Variants in EPHA6 observed in about 807,000 individuals in gnomAD.
EPHA6 encodes the protein EPH receptor A6.
EPHA6 carries 50 observed loss-of-function variants against 112.0 expected under a neutral mutation model. The ratio of observed to expected loss-of-function variants is 0.45; its 90% CI spans 0.36 to 0.56. The LOEUF (loss-of-function observed/expected upper bound fraction) is 0.56. Ranked by LOEUF, EPHA6 falls within the 20% of genes least tolerant of loss-of-function variation. EPHA6 has a pLI of 0.00. For missense variants in EPHA6, 1,280 were observed against 1,417.4 expected (o/e 0.90, Z 1.56); for synonymous variants, 529 against 490.7 (o/e 1.08, Z -1.03).
intron 3 of EPHA6, among the ~76,000 whole-genome samples, chr3:96,996,078 T>A (rs1304049227): frequency 1.3e-5 from 2 of 152,158 alleles, no homozygotes; most frequent in Non-Finnish European, 2.9e-5. Flanking sequence ...TGTAAACATT[T>A]TGCTGTCATT....
chr3:97,121,593 C>T (rs1360569791), intron 3 of EPHA6, among the ~76,000 whole-genome samples: 1 of 151,980 alleles, frequency 6.6e-6, no homozygotes, highest in Admixed American at 6.6e-5. Flanking sequence ...TGGCTGGGTG[C>T]CATTGTTACC....
At chr3:97,536,263 C>T (rs2092762742) in intron 11 of EPHA6, among the ~76,000 whole-genome samples, 1 of 152,040 alleles carries the variant, frequency 6.6e-6, no homozygotes, top group African/African-American at 2.4e-5. Context: ...AAAGCAAGAA[C>T]TATGGTTTAA....
intron 5 of EPHA6, among the ~76,000 whole-genome samples, chr3:97,278,609 C>A (rs1456731318): frequency 6.6e-6 from 1 of 152,262 alleles, no homozygotes; most frequent in African/African-American, 2.4e-5. Context: ...ACTATTTCAA[C>A]CACTCAGTAT....
intron 3 of EPHA6, among the ~76,000 whole-genome samples, chr3:97,129,538 A>T (rs2048281456): frequency 6.6e-6 from 1 of 152,036 alleles, no homozygotes; most frequent in Admixed American, 6.6e-5. Flanking sequence ...AACAACAAAA[A>T]AAAGTACAGT....
intron 3 of EPHA6, among the ~76,000 whole-genome samples, chr3:97,060,629 C>T (rs1404830448): frequency 6.6e-6 from 1 of 151,972 alleles, no homozygotes; most frequent in South Asian, 2.1e-4. Context: ...TAAAGAAAGT[C>T]GGCCGGGCGC....
At chr3:97,580,475 T>G (rs2093427088) in intron 11 of EPHA6, among the ~76,000 whole-genome samples, 1 of 152,246 alleles carries the variant, frequency 6.6e-6, no homozygotes, top group Non-Finnish European at 1.5e-5. Flanking sequence ...GCTTGCTTTT[T>G]ATCCCTCACT....
chr3:97,608,635 G>A (rs1450553488), intron 12 of EPHA6, among the ~76,000 whole-genome samples: 2 of 151,272 alleles, frequency 1.3e-5, no homozygotes, highest in Non-Finnish European at 3.0e-5. Context: ...CTAAGGGAGT[G>A]GGGAGAGACG....
chr3:96,956,691 A>G (rs2041772810), intron 2 of EPHA6, among the ~76,000 whole-genome samples: 1 of 152,118 alleles, frequency 6.6e-6, no homozygotes, highest in South Asian at 2.1e-4. Flanking sequence ...AAAAAGAGAA[A>G]AAGTTGTCCC....
intron 2 of EPHA6, among the ~76,000 whole-genome samples, chr3:96,955,455 G>A (rs1470963103): frequency 6.6e-6 from 1 of 152,174 alleles, no homozygotes; most frequent in East Asian, 1.9e-4. Context: ...ATCTTCTAAG[G>A]AAGCAGAGGG....
chr3:97,098,653 C>T (rs1432864331), intron 3 of EPHA6, among the ~76,000 whole-genome samples: 2 of 151,752 alleles, frequency 1.3e-5, no homozygotes, highest in African/African-American at 4.8e-5. Context: ...TTTTCAAAAA[C>T]CCTTATGACA....
At chr3:97,088,401 A>T (rs1460354067) in intron 3 of EPHA6, among the ~76,000 whole-genome samples, 1 of 152,100 alleles carries the variant, frequency 6.6e-6, no homozygotes, top group Non-Finnish European at 1.5e-5. Flanking sequence ...TCATGTGAGA[A>T]GGTCAGTCTG....
Position 97,138,765 on chromosome 3 carries a change from C to T in EPHA6, c.1115-87499C>T, listed in dbSNP as rs967395809. Among the ~76,000 whole-genome samples, 6 of 152,204 alleles carry T rather than the reference C, an allele frequency of 3.9e-5. No homozygotes were observed. In the South Asian group the frequency reaches 6.2e-4, roughly 16 times the overall value. On this transcript the variant is annotated intron_variant, in intron 3 of 17. Transcript: ENST00000389672. ...TGGGGGCTGAGTGCCCCTCCATTCA[C>T]GAGAATGGACTGAGAAGGGTGTGGC... is the stretch of plus-strand genomic sequence containing the variant.
intron 2 of EPHA6, among the ~76,000 whole-genome samples, chr3:96,959,150 C>G (rs2041870309): frequency 6.6e-6 from 1 of 151,500 alleles, no homozygotes; most frequent in Non-Finnish European, 1.5e-5. Flanking sequence ...TCCAATTGCT[C>G]CACATTTTCA....
At chr3:97,686,088 A>G (rs1378712280) in intron 14 of EPHA6, among the ~76,000 whole-genome samples, 1 of 152,184 alleles carries the variant, frequency 6.6e-6, no homozygotes, top group East Asian at 1.9e-4. Flanking sequence ...CTCATTCATT[A>G]TATTCATTCA....
intron 3 of EPHA6, among the ~76,000 whole-genome samples, chr3:97,007,780 T>C (rs2043941680): frequency 6.6e-6 from 1 of 152,220 alleles, no homozygotes; most frequent in South Asian, 2.1e-4. Flanking sequence ...TTTCAGGAGC[T>C]CTTGCAGGGC....
At chr3:97,432,721 AAAG>A (rs2107239814) in intron 6 of EPHA6, among the ~76,000 whole-genome samples, 1 of 152,294 alleles carries the variant, frequency 6.6e-6, no homozygotes, top group Admixed American at 6.5e-5. Flanking sequence ...TGTGTAAGGC[AAAG>A]AAGAAGCAAG....
chr3:97,083,600 C>CT (rs1013951900), intron 3 of EPHA6, among the ~76,000 whole-genome samples: 1 of 151,864 alleles, frequency 6.6e-6, no homozygotes, highest in East Asian at 1.9e-4. Flanking sequence ...ATTCCCAGGT[C>CT]TTTTTTTCTA....
chr3:97,249,562 C>T (rs2108593742), intron 5 of EPHA6, among the ~76,000 whole-genome samples: 1 of 152,240 alleles, frequency 6.6e-6, no homozygotes, highest in Admixed American at 6.5e-5. Flanking sequence ...AGCAACTCTG[C>T]TCCCAGTCAG....
intron 2 of EPHA6, among the ~76,000 whole-genome samples, chr3:96,963,869 A>G (rs1295336379): frequency 6.6e-6 from 1 of 152,128 alleles, no homozygotes; most frequent in Non-Finnish European, 1.5e-5. Context: ...CTATTCTTCA[A>G]TTTGCCACAA....
Sources: allele counts gnomAD v4.1 joint callset (sites outside exome capture counted in the v4.1 genomes callset), GRCh38; gene constraint gnomAD v4.1.1; transcripts MANE v1.5; gene names NCBI Gene and HGNC (gene_info 2026-07-23, HGNC 2026-07-21).